The following CDKL2 variants were observed in gnomAD, a reference collection of about 807,000 sequenced individuals.
CDKL2 encodes cyclin dependent kinase like 2.
A neutral mutation model predicts 63.9 loss-of-function variants in CDKL2; 64 were observed. The observed-to-expected ratio is 1.00, with a 90% CI of 0.82 to 1.23. The LOEUF is 1.23. CDKL2 is among the 50% of genes most tolerant of loss of function. CDKL2 has a pLI of 0.00. For synonymous variants in CDKL2, 211 were observed against 229.2 expected (o/e 0.92, Z 0.72); for missense variants, 656 against 668.0 (o/e 0.98, Z 0.20).
intron 13 of CDKL2, among the ~76,000 whole-genome samples, chr4:75,581,517 AG>A (rs1728259924): frequency 6.6e-6 from 1 of 152,252 alleles, no homozygotes; most frequent in Non-Finnish European, 1.5e-5. Context: ...CTGATAAGGG[AG>A]ATAGGTATAT....
chr4:75,616,728 T>A (rs11097029), intron 2 of CDKL2, among the ~76,000 whole-genome samples: 145,932 of 147,010 alleles, frequency 0.99, 72,433 homozygotes, highest in East Asian at 1. Flanking sequence ...GGAATTCAAA[T>A]ATCATATAGA....
intron 10 of CDKL2, chr4:75,595,948 G>A (rs1416747594): frequency 7.2e-6 from 2 of 276,376 alleles, no homozygotes; most frequent in Non-Finnish European, 1.3e-5. Flanking sequence ...AAAAGAAAAA[G>A]AAAGAGAGGA....
chr4:75,602,668 T>C (rs1189695167), intron 6 of CDKL2, among the ~76,000 whole-genome samples: 1 of 152,022 alleles, frequency 6.6e-6, no homozygotes, highest in Non-Finnish European at 1.5e-5. Flanking sequence ...ATTACAGACA[T>C]GCACCACCAT....
At chr4:75,611,458 C>CAAAAAAAAA (rs71203834) in intron 3 of CDKL2, among the ~76,000 whole-genome samples, 2 of 76,732 alleles carry the variant, frequency 2.6e-5, no homozygotes, top group African/African-American at 4.9e-5. Context: ...GATTCTGTCT[C>CAAAAAAAAA]AAAAAAAAAA....
At position 75,605,647 on chromosome 4, in the gene CDKL2, C is replaced by A; in HGVS notation, c.543-13G>T. 6.4e-7 allele frequency: 1 copy of A among 1,574,126 alleles called. No homozygotes were observed. Among genetic ancestry groups the A allele is most frequent in the Non-Finnish European group, 8.7e-7 (1 of 1,144,218 alleles). On this transcript the variant is annotated splice_polypyrimidine_tract_variant and intron_variant, in intron 4 of 13. Coordinates refer to ENST00000307465, the MANE Select transcript of CDKL2 (RefSeq NM_001330724.2). ...CACATCAACAGCCCTGAAAGAAAAG[C>A]AATGTGGTGTAAAATCTGGCATCCT...
chr4:75,618,536 G>C (rs1157620155), intron 2 of CDKL2, among the ~76,000 whole-genome samples: 2 of 152,066 alleles, frequency 1.3e-5, no homozygotes, highest in African/African-American at 4.8e-5. Flanking sequence ...TTACAAGCGT[G>C]AGTTGCCGCG....
At chr4:75,608,663 T>C (rs1299629090) in intron 3 of CDKL2, among the ~76,000 whole-genome samples, 1 of 151,790 alleles carries the variant, frequency 6.6e-6, no homozygotes, top group Non-Finnish European at 1.5e-5. Context: ...CTCAGAGGAA[T>C]GGGAAGGAGG....
In CDKL2 at chr4:75,591,961, T is replaced by C. The variant is rs1272804026; in HGVS notation, c.1541-36A>G. On this transcript the variant is annotated intron_variant, in intron 11 of 13. Coordinates refer to ENST00000307465, the MANE Select transcript of CDKL2 (RefSeq NM_001330724.2). ...ATGACCATAAACACAGTGAAAATATTAGACATTTTGTTAGTTTTTAGTTTT... is the reference window on the plus strand; with the variant it reads ...ATGACCATAAACACAGTGAAAATATCAGACATTTTGTTAGTTTTTAGTTTT... 3 of 1,484,142 alleles carry C rather than the reference T, an allele frequency of 2.0e-6. No individual in the cohort carries two copies. In the African/African-American group the frequency reaches 4.2e-5, roughly 21 times the overall value. The allele number at this position is 1,484,142 out of a possible 1,614,324, so 91.9% of individuals were successfully genotyped here.
At chr4:75,623,513 C>A (rs1251454836) in intron 2 of CDKL2, among the ~76,000 whole-genome samples, 4 of 152,086 alleles carry the variant, frequency 2.6e-5, no homozygotes, top group Non-Finnish European at 5.9e-5. Flanking sequence ...TTATTAAGAT[C>A]AAGAACAAGT....
chr4:75,592,269 C>T lies in CDKL2; in HGVS notation c.1417G>A (p.Val473Ile). 6.6e-7 allele frequency: 1 copy of T among 1,525,538 alleles called. No individual in the cohort carries two copies. Among genetic ancestry groups the T allele is most frequent in the Non-Finnish European group, 8.7e-7 (1 of 1,144,100 alleles). The allele number at this position is 1,525,538 out of a possible 1,614,324, so 94.5% of individuals were successfully genotyped here. Residue 473 changes from valine (V) to isoleucine (I), a missense_variant and splice_region_variant, in exon 11 of 14, where the codon GTC becomes ATC. Coordinates refer to ENST00000307465, the MANE Select transcript of CDKL2 (RefSeq NM_001330724.2). The part of the protein sequence containing the change: ...GIYNINVTTL[V>I]SSEKNLFWAS... ...CAAAAGAGGTTTTTTTCACTAGAGACCTAATATCATCAACATAGTCAACAA... is the reference window on the plus strand; with the variant it reads ...CAAAAGAGGTTTTTTTCACTAGAGATCTAATATCATCAACATAGTCAACAA...
intron 13 of CDKL2, 50 bp downstream of exon 13, chr4:75,581,760 T>C: frequency 9.8e-7 from 1 of 1,023,244 alleles, no homozygotes. Flanking sequence ...AGCCACAAAA[T>C]AGTACCTGTG....
intron 1 of CDKL2, among the ~76,000 whole-genome samples, chr4:75,629,187 A>G (rs981090914): frequency 6.6e-6 from 1 of 152,228 alleles, no homozygotes; most frequent in Admixed American, 6.5e-5. Context: ...TATCATACCA[A>G]TGACAAAAAT....
At chr4:75,602,096 T>C (rs1729215441) in intron 6 of CDKL2, among the ~76,000 whole-genome samples, 1 of 152,176 alleles carries the variant, frequency 6.6e-6, no homozygotes, top group Admixed American at 6.5e-5. Flanking sequence ...CTGCAGCCAA[T>C]ACAGTGGCTA....
chr4:75,596,168 T>C (rs1362595050), intron 10 of CDKL2, 79 bp downstream of exon 10: 2 of 844,320 alleles, frequency 2.4e-6, no homozygotes, highest in Non-Finnish European at 3.9e-6. Flanking sequence ...TCTCAATACT[T>C]CACTATCATA....
At chr4:75,607,766 A>G (rs1012493087) in intron 3 of CDKL2, among the ~76,000 whole-genome samples, 2 of 152,186 alleles carry the variant, frequency 1.3e-5, no homozygotes, top group African/African-American at 4.8e-5. Context: ...AGTGAATGTA[A>G]CAAGGAGAGC....
At chr4:75,606,636 G>A (rs138414930) in intron 4 of CDKL2, among the ~76,000 whole-genome samples, 61 of 152,144 alleles carry the variant, frequency 4.0e-4, no homozygotes, top group African/African-American at 1.4e-3. Context: ...ATTATAAAAT[G>A]GCACAAAAAT....
intron 3 of CDKL2, among the ~76,000 whole-genome samples, chr4:75,609,076 G>A (rs1326208208): frequency 6.6e-6 from 1 of 151,886 alleles, no homozygotes; most frequent in Non-Finnish European, 1.5e-5. Context: ...TTGAACCTGA[G>A]AATTTAAAAG....
At chr4:75,608,726 G>A (rs1264169292) in intron 3 of CDKL2, among the ~76,000 whole-genome samples, 2 of 152,250 alleles carry the variant, frequency 1.3e-5, no homozygotes, top group Non-Finnish European at 1.5e-5. Context: ...GCACGCAGTG[G>A]CTCAAGCCTG....
At chr4:75,579,736 T>G (rs1728180028) in intron 13 of CDKL2, among the ~76,000 whole-genome samples, 1 of 152,114 alleles carries the variant, frequency 6.6e-6, no homozygotes, top group African/African-American at 2.4e-5. Context: ...TAATGACTAA[T>G]TTTGACAAAA....
Sources: allele counts gnomAD v4.1 joint callset (sites outside exome capture counted in the v4.1 genomes callset), GRCh38; gene constraint gnomAD v4.1.1; transcripts MANE v1.5; gene names NCBI Gene and HGNC (gene_info 2026-07-23, HGNC 2026-07-21).